Variants in PPT1 observed in about 807,000 individuals in gnomAD.
PPT1 encodes ceroid-palmitoyl-palmitoyl-protein thioesterase 1.
Under a neutral mutation model 44.0 loss-of-function variants are expected in PPT1, and 24 were observed. The ratio of observed to expected loss-of-function variants is 0.54; its 90% CI spans 0.39 to 0.77. The LOEUF (loss-of-function observed/expected upper bound fraction) is 0.77, where lower values mean the gene tolerates loss of function less well. Ranked by LOEUF, PPT1 falls within the 30% of genes least tolerant of loss-of-function variation. The pLI, the probability that PPT1 is intolerant of heterozygous loss-of-function variation, is 0.00. For synonymous variants in PPT1, 148 were observed against 140.2 expected (o/e 1.06, Z -0.39); for missense variants, 341 against 378.8 (o/e 0.90, Z 0.83).
At chr1:40,091,052 C>T (rs1213043088) in intron 4 of PPT1, among the ~76,000 whole-genome samples, 2 of 152,224 alleles carry the variant, frequency 1.3e-5, no homozygotes, top group Non-Finnish European at 2.9e-5. Context: ...AACTCCTCAA[C>T]CACCACCTGC....
At chr1:40,071,754 T>G, downstream of PPT1, 1 of 557,460 alleles carries the variant, frequency 1.8e-6, no homozygotes, top group Non-Finnish European at 3.2e-6. Context: ...CTTTTCCATA[T>G]CAGCTCAACC....
intron 4 of PPT1, among the ~76,000 whole-genome samples, chr1:40,090,274 C>T (rs1324668648): frequency 1.3e-5 from 2 of 152,156 alleles, no homozygotes; most frequent in African/African-American, 4.8e-5. Flanking sequence ...GCCTCAGCCT[C>T]CCAAGTAGCA....
At chr1:40,079,455 G>A (rs1350909361) in intron 6 of PPT1, among the ~76,000 whole-genome samples, 1 of 129,846 alleles carries the variant, frequency 7.7e-6, no homozygotes, top group Non-Finnish European at 1.5e-5. Context: ...AGAGTGCAGT[G>A]GCACCATCTC....
At chr1:40,083,311 C>G (rs534062596) in intron 5 of PPT1, among the ~76,000 whole-genome samples, 25 of 152,078 alleles carry the variant, frequency 1.6e-4, no homozygotes, top group East Asian at 1.4e-3. Context: ...TAAAAGTAGC[C>G]GAGCATGGCG....
At chr1:40,095,138 A>T (rs1649780945) in intron 1 of PPT1, among the ~76,000 whole-genome samples, 1 of 152,206 alleles carries the variant, frequency 6.6e-6, no homozygotes. Flanking sequence ...TTAACATTTG[A>T]TACAGTTGAT....
intron 5 of PPT1, among the ~76,000 whole-genome samples, chr1:40,088,574 T>TA (rs999797885): frequency 9.2e-5 from 14 of 151,654 alleles, no homozygotes; most frequent in African/African-American, 2.2e-4. Context: ...TTTTTTTTTT[T>TA]AAAAATAGAT....
intron 2 of PPT1, 52 bp downstream of exon 2, chr1:40,092,346 G>T: frequency 1.3e-6 from 2 of 1,528,870 alleles, no homozygotes; most frequent in South Asian, 1.1e-5. Flanking sequence ...AACAGTATAT[G>T]CTATGAAATC....
chr1:40,075,958 CAAAAAAAAAAAAAAAAAAAA>C (rs56338772), intron 8 of PPT1, among the ~76,000 whole-genome samples: 1 of 41,832 alleles, frequency 2.4e-5, no homozygotes, highest in African/African-American at 1.1e-4. Context: ...AAGACTGTCT[CAAAAAAAAAAAAAAAAAAAA>C]AAAAAAAAAA....
At chr1:40,078,827 T>C (rs1345318015) in intron 6 of PPT1, 169 bp from the exon 7 acceptor site, 2 of 651,308 alleles carry the variant, frequency 3.1e-6, no homozygotes, top group East Asian at 3.1e-5. Context: ...CAGCTTTTTT[T>C]TTTCTTTTTT....
In PPT1 at chr1:40,081,952, T is replaced by C. The variant is rs974533674; in HGVS notation, c.537-1465A>G. On this transcript the variant is annotated intron_variant, in intron 5 of 8. Coordinates refer to ENST00000642050, the MANE Select transcript of PPT1 (RefSeq NM_000310.4). ...TTTGACCAAAAGCCTGATAGTGATA[T>C]AGACAATAAGGTCCAGGCTGAGGTA... 2.0e-5 allele frequency among the ~76,000 whole-genome samples: 3 copies of C among 152,156 alleles called. 1 individual carries two copies. Among genetic ancestry groups the C allele is most frequent in the South Asian group, 4.1e-4 (2 of 4,826 alleles).
chr1:40,081,381 C>T (rs1415340505), intron 5 of PPT1, among the ~76,000 whole-genome samples: 1 of 151,820 alleles, frequency 6.6e-6, no homozygotes, highest in African/African-American at 2.4e-5. Context: ...ACTAAAAATA[C>T]AAAAATTAGC....
At chr1:40,094,812 G>A (rs1308185927) in intron 1 of PPT1, among the ~76,000 whole-genome samples, 5 of 152,092 alleles carry the variant, frequency 3.3e-5, no homozygotes, top group Admixed American at 1.3e-4. Context: ...TGAAAACAAC[G>A]TTCTCCACAC....
chr1:40,092,383 T>C lies in PPT1; in HGVS notation c.234+15A>G, dbSNP rs758642162. On this transcript the variant is annotated intron_variant, in intron 2 of 8. Transcript: ENST00000642050. Reference sequence around the variant, plus strand: ...GTCAGCAACCCTTCAAAGGAACAGCTGTGAAGCGCCTTACCTCCATCAGGG... The same window carrying C: ...GTCAGCAACCCTTCAAAGGAACAGCCGTGAAGCGCCTTACCTCCATCAGGG... The C allele has an allele frequency of 1.9e-6, 3 of 1,582,772 alleles. No individual in the cohort carries two copies. The highest frequency in any genetic ancestry group is 2.2e-5 in the South Asian group (2 of 90,420).
chr1:40,092,324 G>T (rs1369089072), intron 2 of PPT1, 74 bp downstream of exon 2: 28 of 1,526,604 alleles, frequency 1.8e-5, no homozygotes, highest in Non-Finnish European at 2.3e-5. Context: ...AAAACACAAG[G>T]CAAAGCATTT....
At chr1:40,071,695 A>G, downstream of PPT1, 1 of 581,202 alleles carries the variant, frequency 1.7e-6, no homozygotes, top group South Asian at 2.2e-5. Context: ...CTCAGGCTGA[A>G]ATTTGGGGTG....
chr1:40,078,106 C>T (rs903646486), intron 7 of PPT1, among the ~76,000 whole-genome samples: 4 of 152,134 alleles, frequency 2.6e-5, no homozygotes, highest in Non-Finnish European at 5.9e-5. Flanking sequence ...TTATGGACCT[C>T]AGGTGAAGAA....
intron 1 of PPT1, among the ~76,000 whole-genome samples, chr1:40,095,533 C>T (rs1649801654): frequency 6.6e-6 from 1 of 152,166 alleles, no homozygotes; most frequent in Admixed American, 6.5e-5. Context: ...GATCTTTCCC[C>T]CACCCTAAGT....
intron 1 of PPT1, among the ~76,000 whole-genome samples, chr1:40,095,877 A>G (rs1468418778): frequency 4.6e-5 from 7 of 152,236 alleles, no homozygotes. Context: ...CATGTCACTC[A>G]TCTGCTCAAA....
At chr1:40,083,385 G>A (rs536197690) in intron 5 of PPT1, among the ~76,000 whole-genome samples, 2 of 152,280 alleles carry the variant, frequency 1.3e-5, no homozygotes, top group South Asian at 2.1e-4. Flanking sequence ...AGTCCAGGAG[G>A]TGAAGGCTGC....
Sources: allele counts gnomAD v4.1 joint callset (sites outside exome capture counted in the v4.1 genomes callset), GRCh38; gene constraint gnomAD v4.1.1; transcripts MANE v1.5; gene names NCBI Gene and HGNC (gene_info 2026-07-23, HGNC 2026-07-21).